The following SZRD1 variants were observed in gnomAD, a reference collection of about 807,000 sequenced individuals.
SZRD1 encodes SUZ RNA binding domain containing 1.
Under a neutral mutation model 17.6 loss-of-function variants are expected in SZRD1, and 7 were observed. The observed-to-expected ratio is 0.40, with a 90% CI of 0.23 to 0.75. The LOEUF is 0.75. SZRD1 is among the 30% of genes least tolerant of loss of function. The probability of loss-of-function intolerance (pLI) is 0.38; values close to 1 mark genes in which losing one functional copy is unlikely to be tolerated. For missense variants in SZRD1, 178 were observed against 201.8 expected (o/e 0.88, Z 0.71); for synonymous variants, 77 against 77.9 (o/e 0.99, Z 0.06).
intron 1 of SZRD1, among the ~76,000 whole-genome samples, chr1:16,386,418 T>C (rs1307585981): frequency 1.3e-5 from 2 of 152,238 alleles, no homozygotes; most frequent in African/African-American, 4.8e-5. Flanking sequence ...CTGAGGCCTG[T>C]TTAATTCCAT....
intron 1 of SZRD1, among the ~76,000 whole-genome samples, chr1:16,378,965 G>C (rs1036978070): frequency 2.1e-4 from 32 of 151,912 alleles, no homozygotes; most frequent in Non-Finnish European, 4.4e-4. Context: ...GACCTCAGGG[G>C]ATCCACCCGC....
intron 1 of SZRD1, among the ~76,000 whole-genome samples, chr1:16,383,379 C>T (rs1021262371): frequency 6.6e-6 from 1 of 151,870 alleles, no homozygotes; most frequent in African/African-American, 2.4e-5. Flanking sequence ...TGCCACCATG[C>T]CCAGCTAATT....
chr1:16,374,319 T>A lies in SZRD1; in HGVS notation c.51+7011T>A, dbSNP rs531276461. On this transcript the variant is annotated intron_variant, in intron 1 of 3. Transcript: ENST00000401088. ...AGCAGTTGGGCAGTTTAGGCATGAT[T>A]CTGCTGAGCAGTCTGTCCCTGGGAC... Among the ~76,000 whole-genome samples the A allele has an allele frequency of 3.3e-5, 5 of 152,312 alleles. 1 individual carries two copies. The South Asian group carries it at 1.0e-3, about 32-fold the overall frequency.
At chr1:16,389,080 CTTTTT>C (rs779460255) in intron 1 of SZRD1, among the ~76,000 whole-genome samples, 4 of 114,892 alleles carry the variant, frequency 3.5e-5, no homozygotes, top group African/African-American at 1.3e-4. Flanking sequence ...TAGTTATTTC[CTTTTT>C]TTTTTTTTTT....
intron 1 of SZRD1, among the ~76,000 whole-genome samples, chr1:16,385,320 C>A (rs61770602): frequency 0.084 from 12,720 of 152,110 alleles, 689 homozygotes; most frequent in Non-Finnish European, 0.12. Context: ...GTGAGACACC[C>A]CCTCTGACCC....
At chr1:16,368,275 T>G (rs1180532870) in intron 1 of SZRD1, among the ~76,000 whole-genome samples, 1 of 152,132 alleles carries the variant, frequency 6.6e-6, no homozygotes, top group African/African-American at 2.4e-5. Context: ...GACATCCACC[T>G]TAAAGGTTTA....
At chr1:16,371,302 C>T (rs912085624) in intron 1 of SZRD1, among the ~76,000 whole-genome samples, 11 of 151,256 alleles carry the variant, frequency 7.3e-5, no homozygotes, top group African/African-American at 2.4e-4. Context: ...AATCTCCACC[C>T]GCCTCAGCCT....
chr1:16,378,225 G>A (rs578049425), intron 1 of SZRD1, among the ~76,000 whole-genome samples: 1 of 151,940 alleles, frequency 6.6e-6, no homozygotes, highest in Admixed American at 6.6e-5. Flanking sequence ...TTCTAGCCTG[G>A]GATACATCTA....
chr1:16,388,958 A>T (rs974237560), intron 1 of SZRD1, among the ~76,000 whole-genome samples: 7 of 151,982 alleles, frequency 4.6e-5, no homozygotes, highest in Non-Finnish European at 1.0e-4. Flanking sequence ...CTGGCCAATA[A>T]TTCTTAATTC....
Position 16,391,270 on chromosome 1 carries a change from G to C in SZRD1, c.52-105G>C. The C allele has an allele frequency of 1.2e-6, 1 of 832,486 alleles. No homozygotes were observed. 51.6% of individuals were successfully genotyped at this position (832,486 alleles called of 1,614,324 possible). On this transcript the variant is annotated intron_variant, in intron 1 of 3. Coordinates refer to ENST00000401088, the MANE Select transcript of SZRD1 (RefSeq NM_001114600.3). This position sits in a 1 kb window ranked among gnomAD's most constrained non-coding sequence, Gnocchi z 4.3. ...TTGTTATGTTGAAGGACACAGTCAT[G>C]TCCCTGGCTAGAGAAAGGACACTGC...
At chr1:16,369,571 C>T (rs368225889) in intron 1 of SZRD1, 5 of 676,476 alleles carry the variant, frequency 7.4e-6, no homozygotes, top group African/African-American at 7.2e-5. Flanking sequence ...TTTCTGCTAT[C>T]CCTTACTTTA....
Position 16,395,308 on chromosome 1 carries a change from A to C in SZRD1, c.*168A>C, listed in dbSNP as rs2085292671. ...CCCACTGTGACCTTGAACCCCATGC[A>C]CTGTGACCTCCCCCCTTCTCCCCCT... On this transcript the variant is annotated 3_prime_UTR_variant, in exon 4 of 4. Transcript: ENST00000401088. 2 of 662,882 alleles carry C rather than the reference A, an allele frequency of 3.0e-6. No homozygotes were observed. The highest frequency in any genetic ancestry group is 1.8e-5 in the African/African-American group (1 of 55,848). 41.1% of individuals were successfully genotyped at this position (662,882 alleles called of 1,614,324 possible). A position where few individuals can be genotyped will look rare whatever the true frequency, so the allele number is the denominator to read the frequency against.
chr1:16,392,114 C>T (rs980151061), intron 2 of SZRD1, among the ~76,000 whole-genome samples: 6 of 152,150 alleles, frequency 3.9e-5, no homozygotes, highest in African/African-American at 1.4e-4. Flanking sequence ...GTTTTCCTGG[C>T]TCCCTGCCTC....
chr1:16,379,362 C>G (rs113158275), intron 1 of SZRD1, among the ~76,000 whole-genome samples: 1 of 152,132 alleles, frequency 6.6e-6, no homozygotes, highest in Non-Finnish European at 1.5e-5. Context: ...CTCGTCCTCC[C>G]AAAGTGCTGG....
intron 1 of SZRD1, 64 bp downstream of exon 1, chr1:16,367,372 G>C (rs2100678970): frequency 6.8e-7 from 1 of 1,467,334 alleles, no homozygotes. Context: ...GAGCCTCCGG[G>C]GAGCGGGTCT....
intron 1 of SZRD1, among the ~76,000 whole-genome samples, chr1:16,377,519 A>T (rs1237852146): frequency 6.9e-6 from 1 of 144,070 alleles, no homozygotes. Flanking sequence ...AGGGAGGTGG[A>T]GGTTGCAGTT....
chr1:16,379,679 GTCAAA>G (rs2083062185), intron 1 of SZRD1, among the ~76,000 whole-genome samples: 1 of 151,942 alleles, frequency 6.6e-6, no homozygotes, highest in African/African-American at 2.4e-5. Flanking sequence ...TGGAACCATG[GTCAAA>G]TTATATAACC....
chr1:16,397,061 C>T lies in SZRD1; in HGVS notation c.*1921C>T. 6.6e-6 allele frequency: 1 copy of T among 152,230 alleles called. No individual in the cohort carries two copies. Among genetic ancestry groups the T allele is most frequent in the Admixed American group, 6.5e-5 (1 of 15,280 alleles). The allele number at this position is 152,230 out of a possible 1,614,324, so 9.4% of individuals were successfully genotyped here. ...GGTTTCCCGCCCAAAGTGAGACTTT[C>T]CTTTTAATTGGAGAAGGGTATAGAG... On this transcript the variant is annotated 3_prime_UTR_variant, in exon 4 of 4. Coordinates refer to ENST00000401088, the MANE Select transcript of SZRD1 (RefSeq NM_001114600.3). The surrounding 1 kb of genome is among the most constrained non-coding windows in gnomAD (Gnocchi z 5.4).
intron 1 of SZRD1, among the ~76,000 whole-genome samples, chr1:16,375,245 G>A (rs2082980573): frequency 6.6e-6 from 1 of 152,146 alleles, no homozygotes; most frequent in African/African-American, 2.4e-5. Context: ...GCTCTGTGCA[G>A]GATATTAAGG....
Sources: allele counts gnomAD v4.1 joint callset (sites outside exome capture counted in the v4.1 genomes callset), GRCh38; gene constraint gnomAD v4.1.1; non-coding constraint Gnocchi (gnomAD v3.1); transcripts MANE v1.5; gene names NCBI Gene and HGNC (gene_info 2026-07-23, HGNC 2026-07-21).